STX18: variants seen among roughly 807,000 people sequenced by gnomAD.
STX18 encodes the protein syntaxin 18, also known as syntaxin-18.
A neutral mutation model predicts 50.1 loss-of-function variants in STX18; 40 were observed. The ratio of observed to expected loss-of-function variants is 0.80; its 90% CI spans 0.62 to 1.04. STX18 has a LOEUF of 1.04. Ranked by LOEUF, STX18 falls within the 50% of genes least tolerant of loss-of-function variation. STX18 has a pLI of 0.00. For synonymous variants in STX18, 158 were observed against 151.8 expected, an observed-to-expected ratio of 1.04 and a Z score of -0.30; for missense variants, 410 against 415.8, an observed-to-expected ratio of 0.99 and a Z score of 0.12.
chr4:4,439,230 T>TAC (rs562109276), intron 5 of STX18, among the ~76,000 whole-genome samples: 183 of 101,694 alleles, frequency 1.8e-3, no homozygotes, highest in Non-Finnish European at 2.3e-3. Context: ...CCCCCACATA[T>TAC]ACACACACAC....
chr4:4,459,066 A>G (rs1004833954), intron 3 of STX18, among the ~76,000 whole-genome samples: 15 of 138,010 alleles, frequency 1.1e-4, no homozygotes, highest in African/African-American at 2.5e-4. Context: ...ACACACGCAC[A>G]CACACACACA....
intron 9 of STX18, 36 bp downstream of exon 9, chr4:4,423,482 T>C: frequency 6.2e-7 from 1 of 1,601,626 alleles, no homozygotes; most frequent in African/African-American, 1.3e-5. Context: ...CCCCTTTGAG[T>C]GAAAACATAC....
intron 9 of STX18, among the ~76,000 whole-genome samples, chr4:4,421,338 G>GAGAC (rs1233554887): frequency 6.9e-6 from 1 of 145,010 alleles, no homozygotes; most frequent in Non-Finnish European, 1.5e-5. Flanking sequence ...TTTTTTTTTT[G>GAGAC]AGACAGGGCT....
intron 2 of STX18, among the ~76,000 whole-genome samples, chr4:4,469,899 G>A (rs1483531046): frequency 6.6e-6 from 1 of 152,120 alleles, no homozygotes; most frequent in East Asian, 1.9e-4. Context: ...CGAGGAGTAG[G>A]CTCTGATGCC....
chr4:4,542,192 G>C (rs551788012), upstream of STX18: 7 of 507,746 alleles, frequency 1.4e-5, no homozygotes, highest in African/African-American at 1.2e-4. Context: ...ACGCGCTCTC[G>C]GGCATCGGTT....
intron 1 of STX18, among the ~76,000 whole-genome samples, chr4:4,489,569 G>C (rs1049325393): frequency 2.0e-5 from 3 of 151,588 alleles, no homozygotes; most frequent in Non-Finnish European, 4.4e-5. Flanking sequence ...TATTTCAAGA[G>C]ATAAGTTACA....
At position 4,483,268 on chromosome 4, in the gene STX18, A is replaced by C. The variant is rs920607158; in HGVS notation, c.169-11562T>G. Among the ~76,000 whole-genome samples, 36 of 152,202 alleles carry C rather than the reference A, an allele frequency of 2.4e-4. 2 individuals are homozygous for C. Among genetic ancestry groups the C allele is most frequent in the Admixed American group, 2.0e-3 (30 of 15,280 alleles). ...AACCCAGAAATTAAAAAAAACAAAAACCTAGAATCTTAGTGTTGATGACAC... is the reference window on the plus strand; with the variant it reads ...AACCCAGAAATTAAAAAAAACAAAACCCTAGAATCTTAGTGTTGATGACAC... On this transcript the variant is annotated intron_variant, in intron 1 of 10. Coordinates refer to ENST00000306200, the MANE Select transcript of STX18 (RefSeq NM_016930.4).
intron 1 of STX18, among the ~76,000 whole-genome samples, chr4:4,540,761 A>T (rs1731549595): frequency 6.6e-6 from 1 of 152,166 alleles, no homozygotes. Flanking sequence ...CCCCTTTCTA[A>T]TGTTTAAGTA....
At chr4:4,432,183 C>G (rs1234610702) in intron 7 of STX18, among the ~76,000 whole-genome samples, 1 of 152,192 alleles carries the variant, frequency 6.6e-6, no homozygotes, top group Non-Finnish European at 1.5e-5. Flanking sequence ...CAAAGCAAGT[C>G]TCAGGAAAGT....
chr4:4,493,550 A>G (rs1423390885), intron 1 of STX18, among the ~76,000 whole-genome samples: 1 of 152,238 alleles, frequency 6.6e-6, no homozygotes, highest in Non-Finnish European at 1.5e-5. Flanking sequence ...TATTGATTCA[A>G]ATGACGCATC....
At chr4:4,493,667 T>C (rs1230226149) in intron 1 of STX18, among the ~76,000 whole-genome samples, 1 of 152,260 alleles carries the variant, frequency 6.6e-6, no homozygotes, top group Non-Finnish European at 1.5e-5. Flanking sequence ...TAATCAATGA[T>C]ACTAGAAGTC....
Position 4,471,515 on chromosome 4 carries a change from A to G in STX18, c.236+124T>C, listed in dbSNP as rs1727918437. ...CTTTGAGGAGATTTTTCCACTGCCA[A>G]ACTGGTCTTCCTCATTACAACTCTG... is the stretch of plus-strand genomic sequence containing the variant. On this transcript the variant is annotated intron_variant, in intron 2 of 10. Coordinates refer to ENST00000306200, the MANE Select transcript of STX18 (RefSeq NM_016930.4). The G allele has an allele frequency of 8.8e-5, 53 of 600,298 alleles. No individual in the cohort carries two copies. The South Asian group carries it at 1.5e-3, about 17-fold the overall frequency. The allele number at this position is 600,298 out of a possible 1,614,324, so 37.2% of individuals were successfully genotyped here.
At chr4:4,509,522 T>C (rs956165768) in intron 1 of STX18, among the ~76,000 whole-genome samples, 3 of 152,182 alleles carry the variant, frequency 2.0e-5, no homozygotes, top group Admixed American at 2.0e-4. Context: ...GGCTGTCTTG[T>C]AACAAAAATT....
At chr4:4,542,194 G>C (rs1329052698), upstream of STX18, 3 of 503,288 alleles carry the variant, frequency 6.0e-6, no homozygotes, top group African/African-American at 6.1e-5. Flanking sequence ...GCGCTCTCGG[G>C]CATCGGTTTC....
At chr4:4,502,713 G>T (rs1335721079) in intron 1 of STX18, among the ~76,000 whole-genome samples, 1 of 152,224 alleles carries the variant, frequency 6.6e-6, no homozygotes, top group Non-Finnish European at 1.5e-5. Context: ...CCCTGGAAGT[G>T]GAGGCTGAAT....
At chr4:4,504,952 C>G (rs1729630742) in intron 1 of STX18, among the ~76,000 whole-genome samples, 1 of 152,096 alleles carries the variant, frequency 6.6e-6, no homozygotes, top group Non-Finnish European at 1.5e-5. Flanking sequence ...AACAATTCAT[C>G]CATTTAAATT....
chr4:4,444,732 G>A (rs1469912677), intron 5 of STX18, among the ~76,000 whole-genome samples: 1 of 152,146 alleles, frequency 6.6e-6, no homozygotes, highest in Non-Finnish European at 1.5e-5. Context: ...AATAAGAAAG[G>A]AAATTTCCTT....
chr4:4,525,596 T>C (rs1730713328), intron 1 of STX18, among the ~76,000 whole-genome samples: 1 of 152,152 alleles, frequency 6.6e-6, no homozygotes, highest in Non-Finnish European at 1.5e-5. Flanking sequence ...TGGTGTCTGT[T>C]CTGTCTAAAG....
At chr4:4,427,880 G>A (rs771390319) in intron 7 of STX18, among the ~76,000 whole-genome samples, 4 of 152,250 alleles carry the variant, frequency 2.6e-5, no homozygotes, top group Non-Finnish European at 5.9e-5. Context: ...AGTCCCTAGA[G>A]GAAGAGAAGC....
Sources: gnomAD v4.1 joint callset for allele counts (sites outside exome capture counted in the v4.1 genomes callset) on GRCh38, gnomAD v4.1.1 for gene constraint, MANE v1.5 for transcripts, NCBI Gene and HGNC (gene_info 2026-07-23, HGNC 2026-07-21) for gene names.